The following SPOP variants were observed in gnomAD, a reference collection of about 807,000 sequenced individuals.
SPOP encodes the protein speckle-type POZ protein.
Under a neutral mutation model 45.6 loss-of-function variants are expected in SPOP, and 11 were observed. The observed-to-expected ratio is 0.24, with a 90% CI of 0.15 to 0.40. The LOEUF (loss-of-function observed/expected upper bound fraction) is 0.40. SPOP is among the 10% of genes least tolerant of loss of function. The probability of loss-of-function intolerance (pLI) is 1.00; values close to 1 mark genes in which losing one functional copy is unlikely to be tolerated. For missense variants in SPOP, 152 were observed against 465.6 expected (o/e 0.33, Z 6.20); for synonymous variants, 166 against 166.3 (o/e 1.00, Z 0.01).
intron 5 of SPOP, among the ~76,000 whole-genome samples, chr17:49,615,137 G>C (rs900673248): frequency 6.6e-6 from 1 of 152,108 alleles, no homozygotes; most frequent in Non-Finnish European, 1.5e-5. Flanking sequence ...GGGATTACAG[G>C]TTATAGTGAG....
intron 1 of SPOP, among the ~76,000 whole-genome samples, chr17:49,658,425 T>C (rs762020146): frequency 3.9e-5 from 6 of 152,358 alleles, no homozygotes; most frequent in East Asian, 1.9e-4. Flanking sequence ...TAAGGATTCA[T>C]GTGGAGTGCA....
At chr17:49,624,328 C>CGT (rs2072282096) in intron 1 of SPOP, among the ~76,000 whole-genome samples, 1 of 94,692 alleles carries the variant, frequency 1.1e-5, no homozygotes, top group South Asian at 3.5e-4. Flanking sequence ...CACGCGCGCG[C>CGT]GCGCACACAC....
At chr17:49,674,251 A>C (rs1051468471) in intron 1 of SPOP, among the ~76,000 whole-genome samples, 3 of 152,210 alleles carry the variant, frequency 2.0e-5, no homozygotes, top group African/African-American at 7.2e-5. Context: ...CTTCTCTTCA[A>C]CTTTTTAGAA....
At chr17:49,607,514 G>T in intron 7 of SPOP, 142 bp from the exon 8 acceptor site, 2 of 1,119,496 alleles carry the variant, frequency 1.8e-6, no homozygotes, top group Non-Finnish European at 2.4e-6. Flanking sequence ...TTCTTTGCCC[G>T]GCTTGATTAT....
chr17:49,630,799 G>A (rs1374343264), intron 1 of SPOP, among the ~76,000 whole-genome samples: 2 of 152,012 alleles, frequency 1.3e-5, no homozygotes, highest in African/African-American at 4.8e-5. Context: ...GGGGATTACC[G>A]ATACCAAGTG....
intron 1 of SPOP, among the ~76,000 whole-genome samples, chr17:49,625,938 T>G (rs2143328097): frequency 6.6e-6 from 1 of 152,334 alleles, no homozygotes; most frequent in East Asian, 1.9e-4. Context: ...AATACAAATA[T>G]CTGTTAATTA....
chr17:49,664,516 G>T (rs2073027905), intron 1 of SPOP, among the ~76,000 whole-genome samples: 1 of 151,918 alleles, frequency 6.6e-6, no homozygotes, highest in Admixed American at 6.6e-5. Context: ...TATCTAATTT[G>T]GTAAATATCA....
intron 1 of SPOP, among the ~76,000 whole-genome samples, chr17:49,624,329 G>A (rs1012409050): frequency 2.6e-4 from 22 of 85,906 alleles, no homozygotes; most frequent in African/African-American, 7.5e-4. Context: ...ACGCGCGCGC[G>A]CGCACACACA....
intron 6 of SPOP, among the ~76,000 whole-genome samples, chr17:49,608,827 A>G (rs6504618): frequency 0.5 from 76,311 of 152,016 alleles, 19,512 homozygotes; most frequent in African/African-American, 0.6. Flanking sequence ...TATAGTAGAA[A>G]GGTTTTGAGC....
intron 1 of SPOP, among the ~76,000 whole-genome samples, chr17:49,669,924 T>TC (rs2143573256): frequency 6.7e-6 from 1 of 149,578 alleles, no homozygotes; most frequent in East Asian, 1.9e-4. Flanking sequence ...ACACATACAT[T>TC]TTTCCTCTTA....
intron 9 of SPOP, 163 bp downstream of exon 9, chr17:49,601,702 G>T: frequency 1.2e-6 from 1 of 830,510 alleles, no homozygotes; most frequent in Non-Finnish European, 1.8e-6. Flanking sequence ...AACCCATGAA[G>T]TCAATTCCAT....
In SPOP at chr17:49,642,223, T is replaced by C. The variant is rs903367216; in HGVS notation, c.-66-19347A>G. Among the ~76,000 whole-genome samples the C allele has an allele frequency of 2.0e-5, 3 of 152,058 alleles. No homozygotes were observed. In the East Asian group the frequency reaches 5.8e-4, roughly 29 times the overall value. On this transcript the variant is annotated intron_variant, in intron 1 of 9. Transcript: ENST00000504102. ...GTAAAAAGTGAGCACATTTTACTTT[T>C]ATAGTCAGAAAAAAAAGGTTTTTAA...
intron 1 of SPOP, among the ~76,000 whole-genome samples, chr17:49,649,051 C>A (rs1012793014): frequency 3.3e-5 from 5 of 152,114 alleles, no homozygotes; most frequent in African/African-American, 1.2e-4. Flanking sequence ...GCCACCGCGC[C>A]CAGCCTGGGT....
At chr17:49,614,101 G>A (rs983107577) in intron 5 of SPOP, among the ~76,000 whole-genome samples, 22 of 152,070 alleles carry the variant, frequency 1.4e-4, no homozygotes, top group African/African-American at 5.1e-4. Context: ...GCCAATTCTT[G>A]TACATTTCAT....
intron 1 of SPOP, among the ~76,000 whole-genome samples, chr17:49,677,025 T>A (rs62076762): frequency 6.6e-6 from 1 of 152,176 alleles, no homozygotes; most frequent in African/African-American, 2.4e-5. Flanking sequence ...AGGAAGATCT[T>A]TGACCAAAAA....
chr17:49,601,775 T>G lies in SPOP; in HGVS notation c.980+90A>C. 5.3e-6 allele frequency: 8 copies of G among 1,516,994 alleles called. No homozygotes were observed. The South Asian group carries it at 9.8e-5, about 19-fold the overall frequency. 94.0% of individuals were successfully genotyped at this position (1,516,994 alleles called of 1,614,324 possible). On this transcript the variant is annotated intron_variant, in intron 9 of 9. Transcript: ENST00000504102. ...ACTGCCAAAAGGTTAATGAAGCTACTTGCCTGCTTTACCCACTAATTCAAA... is the reference window on the plus strand; with the variant it reads ...ACTGCCAAAAGGTTAATGAAGCTACGTGCCTGCTTTACCCACTAATTCAAA...
chr17:49,633,989 CT>C (rs2072498241), intron 1 of SPOP, among the ~76,000 whole-genome samples: 1 of 149,950 alleles, frequency 6.7e-6, no homozygotes, highest in East Asian at 2.0e-4. Context: ...AGAACCCCTG[CT>C]AGGAAGAAAA....
chr17:49,665,649 G>GACACACACACACACACACACACACACAC (rs71352530), intron 1 of SPOP, among the ~76,000 whole-genome samples: 8 of 126,790 alleles, frequency 6.3e-5, no homozygotes, highest in Admixed American at 4.3e-4. Flanking sequence ...TATATATACA[G>GACACACACACACACACACACACACACAC]ACACACACAC....
At chr17:49,638,689 A>C (rs1350190047) in intron 1 of SPOP, among the ~76,000 whole-genome samples, 1 of 152,246 alleles carries the variant, frequency 6.6e-6, no homozygotes, top group Admixed American at 6.5e-5. Context: ...TGGTAAACCA[A>C]GTCCAGTTAC....
Sources: allele counts gnomAD v4.1 joint callset (sites outside exome capture counted in the v4.1 genomes callset), GRCh38; gene constraint gnomAD v4.1.1; transcripts MANE v1.5; gene names NCBI Gene and HGNC (gene_info 2026-07-23, HGNC 2026-07-21).